The following ZMAT5 variants were observed in gnomAD, a reference collection of about 807,000 sequenced individuals.
The protein encoded by ZMAT5 is zinc finger matrin-type 5, also known as zinc finger matrin-type protein 5.
Under a neutral mutation model 28.0 loss-of-function variants are expected in ZMAT5, and 23 were observed. The observed-to-expected ratio is 0.82, with a 90% CI of 0.59 to 1.16. The LOEUF is 1.16. ZMAT5 is among the 50% of genes most tolerant of loss of function. ZMAT5 has a pLI of 0.00. For synonymous variants in ZMAT5, 76 were observed against 84.1 expected (o/e 0.90, Z 0.52); for missense variants, 173 against 212.7 (o/e 0.81, Z 1.16).
intron 1 of ZMAT5, among the ~76,000 whole-genome samples, chr22:29,754,048 C>G (rs1312343908): frequency 6.6e-6 from 1 of 152,006 alleles, no homozygotes; most frequent in African/African-American, 2.4e-5. Flanking sequence ...AGCCAGGTGT[C>G]CTTGCACAAG....
intron 1 of ZMAT5, among the ~76,000 whole-genome samples, chr22:29,764,446 G>C (rs1309018774): frequency 6.6e-6 from 1 of 152,212 alleles, no homozygotes; most frequent in Non-Finnish European, 1.5e-5. Context: ...TTAAAAGAGA[G>C]TTAAAGCCTG....
chr22:29,748,334 T>C lies in ZMAT5; in HGVS notation c.127+84A>G, dbSNP rs141522874. The C allele has an allele frequency of 1.2e-3, 1,972 of 1,598,396 alleles. 18 individuals are homozygous for C. In the South Asian group the frequency reaches 0.015, roughly 12 times the overall value. On this transcript the variant is annotated intron_variant, in intron 2 of 5. Coordinates refer to ENST00000344318, the MANE Select transcript of ZMAT5 (RefSeq NM_001003692.2). Reference sequence around the variant, plus strand: ...CCTCAAAGAGCCCAGACCTAGACTGTCACTGACCCACAGGAGTCTTTGATG... The same window carrying C: ...CCTCAAAGAGCCCAGACCTAGACTGCCACTGACCCACAGGAGTCTTTGATG...
chr22:29,754,591 C>T (rs953109075), intron 1 of ZMAT5, among the ~76,000 whole-genome samples: 15 of 152,214 alleles, frequency 9.9e-5, no homozygotes, highest in African/African-American at 3.4e-4. Flanking sequence ...TGCCTAGTAG[C>T]CAGCTGCAAT....
intron 1 of ZMAT5, among the ~76,000 whole-genome samples, chr22:29,757,572 T>C (rs2068114909): frequency 6.6e-6 from 1 of 152,256 alleles, no homozygotes; most frequent in Non-Finnish European, 1.5e-5. Context: ...CACACGCTTG[T>C]GCATGTTGCA....
At chr22:29,737,041 A>T (rs1190834394) in intron 5 of ZMAT5, among the ~76,000 whole-genome samples, 1 of 143,736 alleles carries the variant, frequency 7.0e-6, no homozygotes, top group Non-Finnish European at 1.5e-5. Context: ...AAAAAAAAAA[A>T]GCCGAGTGTG....
chr22:29,745,407 G>T (rs1490637036), intron 2 of ZMAT5, among the ~76,000 whole-genome samples: 2 of 152,218 alleles, frequency 1.3e-5, no homozygotes, highest in Non-Finnish European at 1.5e-5. Flanking sequence ...GCTTTGCCCA[G>T]AACACACCAT....
intron 1 of ZMAT5, among the ~76,000 whole-genome samples, chr22:29,764,262 G>T (rs1271342297): frequency 6.6e-6 from 1 of 152,160 alleles, no homozygotes; most frequent in African/African-American, 2.4e-5. Context: ...GAAATGATTA[G>T]CAAGACCTAA....
intron 1 of ZMAT5, among the ~76,000 whole-genome samples, chr22:29,758,186 T>A (rs2068121719): frequency 6.6e-6 from 1 of 152,202 alleles, no homozygotes; most frequent in African/African-American, 2.4e-5. Context: ...GCAAACCCTC[T>A]GGCCGCAGTT....
rs140692044 is a variant in ZMAT5, at chr22:29,759,588, G to T, written c.-28+7284C>A. On this transcript the variant is annotated intron_variant, in intron 1 of 5. Coordinates refer to ENST00000344318, the MANE Select transcript of ZMAT5 (RefSeq NM_001003692.2). ...AATACCAGCCTGGGCAACATAGTGA[G>T]ACCCCGTCTCTAAAAAAAAATTTTT... is the stretch of plus-strand genomic sequence containing the variant. Among the ~76,000 whole-genome samples the T allele has an allele frequency of 1.0e-3, 157 of 151,792 alleles. 2 individuals carry two copies. The highest frequency in any genetic ancestry group is 6.8e-3 in the Middle Eastern group (2 of 292).
At chr22:29,737,025 C>CAAAAAA (rs1406580047) in intron 5 of ZMAT5, among the ~76,000 whole-genome samples, 2 of 73,940 alleles carry the variant, frequency 2.7e-5, no homozygotes, top group Non-Finnish European at 2.9e-5. Context: ...GAATCCGTCT[C>CAAAAAA]AAAAAAAAAA....
intron 1 of ZMAT5, among the ~76,000 whole-genome samples, chr22:29,752,264 C>T (rs999834449): frequency 2.0e-5 from 3 of 152,174 alleles, no homozygotes; most frequent in Non-Finnish European, 4.4e-5. Flanking sequence ...CTGGACCACA[C>T]GCTCCTCGGC....
At chr22:29,752,984 T>C (rs1434913265) in intron 1 of ZMAT5, among the ~76,000 whole-genome samples, 1 of 152,112 alleles carries the variant, frequency 6.6e-6, no homozygotes. Context: ...CCTCTCACCC[T>C]AAGAAGCAGG....
chr22:29,765,239 T>G (rs1342468143), intron 1 of ZMAT5, among the ~76,000 whole-genome samples: 2 of 151,784 alleles, frequency 1.3e-5, no homozygotes, highest in African/African-American at 2.4e-5. Context: ...GCCAACATGG[T>G]GAAACCTTGT....
Position 29,745,515 on chromosome 22 carries a change from G to A in ZMAT5, c.127+2903C>T, listed in dbSNP as rs190622876. ...GGAGCCGCGGACATGCTGAATGAAT[G>A]AGCCCATGAGATGAAGGCTGGAGGG... On this transcript the variant is annotated intron_variant, in intron 2 of 5. Transcript: ENST00000344318. 2.1e-3 allele frequency among the ~76,000 whole-genome samples: 313 copies of A among 152,350 alleles called. 1 individual carries two copies. Among genetic ancestry groups the A allele is most frequent in the African/African-American group, 7.2e-3 (301 of 41,578 alleles).
intron 1 of ZMAT5, among the ~76,000 whole-genome samples, chr22:29,753,018 C>G (rs111493467): frequency 6.6e-6 from 1 of 152,204 alleles, no homozygotes; most frequent in Non-Finnish European, 1.5e-5. Flanking sequence ...ATCTCACCTC[C>G]GAGAGCGGGA....
chr22:29,759,402 C>T (rs2068133994), intron 1 of ZMAT5, among the ~76,000 whole-genome samples: 1 of 152,246 alleles, frequency 6.6e-6, no homozygotes, highest in Middle Eastern at 3.4e-3. Flanking sequence ...GTATCATAAG[C>T]AGCATCAGAT....
In ZMAT5 at chr22:29,747,869, C is replaced by T. The variant is rs569755009; in HGVS notation, c.127+549G>A. On this transcript the variant is annotated intron_variant, in intron 2 of 5. Transcript: ENST00000344318. ...GCCACTGACCGCACCCAACTGCTCCCCACGAAGCAGTCTGCGCTGTCAAGG... is the reference window on the plus strand; with the variant it reads ...GCCACTGACCGCACCCAACTGCTCCTCACGAAGCAGTCTGCGCTGTCAAGG... The T allele has an allele frequency of 3.8e-3, 679 of 177,220 alleles. 3 individuals are homozygous for T. Among genetic ancestry groups the T allele is most frequent in the Non-Finnish European group, 5.2e-3 (421 of 81,280 alleles). The allele number at this position is 177,220 out of a possible 1,614,324, so 11.0% of individuals were successfully genotyped here. A position where few individuals can be genotyped will look rare whatever the true frequency, so the allele number is the denominator to read the frequency against.
intron 1 of ZMAT5, among the ~76,000 whole-genome samples, chr22:29,764,090 A>G (rs2068185253): frequency 6.6e-6 from 1 of 151,906 alleles, no homozygotes; most frequent in South Asian, 2.1e-4. Context: ...ACAACCAGGA[A>G]TTATGTGCCA....
At chr22:29,765,720 T>G (rs2068202661) in intron 1 of ZMAT5, among the ~76,000 whole-genome samples, 1 of 150,958 alleles carries the variant, frequency 6.6e-6, no homozygotes, top group African/African-American at 2.4e-5. Context: ...AAAAAAAAAT[T>G]AGCCAGGCAT....
Sources: gnomAD v4.1 joint callset for allele counts (sites outside exome capture counted in the v4.1 genomes callset) on GRCh38, gnomAD v4.1.1 for gene constraint, MANE v1.5 for transcripts, NCBI Gene and HGNC (gene_info 2026-07-23, HGNC 2026-07-21) for gene names.